Variants in LMAN1L observed in about 807,000 individuals in gnomAD.
LMAN1L encodes the protein lectin, mannose binding 1 like, also known as protein ERGIC-53-like.
LMAN1L carries 60 observed loss-of-function variants against 58.3 expected under a neutral mutation model. The ratio of observed to expected loss-of-function variants is 1.03; its 90% confidence interval spans 0.84 to 1.27. The LOEUF (loss-of-function observed/expected upper bound fraction) is 1.27. Ranked by LOEUF, LMAN1L falls within the 50% of genes most tolerant of loss-of-function variation. The pLI is 0.00. For missense variants in LMAN1L, 629 were observed against 674.0 expected (o/e 0.93, Z 0.74); for synonymous variants, 280 against 271.6 (o/e 1.03, Z -0.31).
At position 74,812,957 on chromosome 15, in the gene LMAN1L, T is replaced by C; in HGVS notation, c.103T>C (p.Tyr35His). 2.5e-6 allele frequency: 4 copies of C among 1,613,964 alleles called. No homozygotes were observed. Among genetic ancestry groups the C allele is most frequent in the Non-Finnish European group, 3.4e-6 (4 of 1,179,930 alleles). ...TGCPPLRRFE[Y>H]KLSFKGPRLA... ...GTGTCCTCCTCTACGCAGGTTTGAG[T>C]ACAAGCTCAGCTTCAAAGGCCCAAG... The change falls in exon 1 of 14, where the codon TAC (tyrosine) becomes CAC (histidine). Residue 35 changes from tyrosine to histidine, a missense_variant. Physicochemically the swap from Tyr to His is moderately conservative, Grantham distance 83. Transcript: ENST00000309664.
chr15:74,816,098 G>A, intron 1 of LMAN1L, 59 bp from the exon 2 acceptor site: 1 of 1,509,772 alleles, frequency 6.6e-7, no homozygotes, highest in East Asian at 2.5e-5. Context: ...CCAAGTGAGA[G>A]AGTGAAGGGG....
rs777386022 is a variant in LMAN1L at position 74,820,041 on chromosome 15, C to T, written c.719-3C>T. The T allele has an allele frequency of 5.0e-6, 8 of 1,613,834 alleles. No homozygotes were observed. The highest frequency in any genetic ancestry group is 5.9e-6 in the Non-Finnish European group (7 of 1,179,828). On this transcript the variant is annotated splice_polypyrimidine_tract_variant and splice_region_variant and intron_variant, in intron 6 of 13. Transcript: ENST00000309664. The stretch of plus-strand genomic sequence containing the variant: ...TACTTCTCCTTCATCTGTCCCCTTC[C>T]AGATGATCATGATGTCCTGTCCTTC...
At chr15:74,822,571 G>C (rs1033819154) in intron 10 of LMAN1L, 71 bp from the exon 11 acceptor site, 28 of 1,265,390 alleles carry the variant, frequency 2.2e-5, no homozygotes, top group Non-Finnish European at 3.2e-5. Flanking sequence ...CTGCAGTGCC[G>C]CTGGGAAGGT....
chr15:74,821,284 A>G (rs1407445530), intron 9 of LMAN1L, 58 bp downstream of exon 9: 1 of 1,525,832 alleles, frequency 6.6e-7, no homozygotes, highest in Non-Finnish European at 8.8e-7. Context: ...AGGAGCAAGC[A>G]CTGTAGTCAG....
chr15:74,820,198 C>G (rs1451237055), intron 7 of LMAN1L, 99 bp downstream of exon 7: 2 of 1,083,048 alleles, frequency 1.8e-6, no homozygotes, highest in Non-Finnish European at 2.9e-6. Context: ...CCCTTACCTC[C>G]ACCTGGCCTC....
chr15:74,820,085 G>A lies in LMAN1L; in HGVS notation c.760G>A (p.Glu254Lys), dbSNP rs762016766. ...VLSFLTFSLS[E>K]PSPEVPPQPF... is the part of the protein sequence containing the mutation. ...GTCCTTCCTGACCTTCAGCCTGAGTGAGCCCAGCCCAGAGGTGATGCCAGC... is the reference window on the plus strand; with the variant it reads ...GTCCTTCCTGACCTTCAGCCTGAGTAAGCCCAGCCCAGAGGTGATGCCAGC... The change falls in exon 7 of 14, where the codon GAG becomes AAG. Residue 254 changes from glutamate to lysine, a missense_variant. Glu to Lys is a moderately conservative substitution (Grantham distance 56). Around this residue, in one of 3 missense-constraint regions of LMAN1L, gnomAD observed 573 missense variants for 597.3 expected, o/e 0.96. Coordinates refer to ENST00000309664, the MANE Select transcript of LMAN1L (RefSeq NM_021819.3). 21 of 1,614,104 alleles carry A rather than the reference G, an allele frequency of 1.3e-5. No individual in the cohort carries two copies. The highest frequency in any genetic ancestry group is 1.8e-5 in the Non-Finnish European group (21 of 1,179,966).
chr15:74,823,888 C>A, intron 12 of LMAN1L: 1 of 603,042 alleles, frequency 1.7e-6, no homozygotes, highest in Non-Finnish European at 2.9e-6. Context: ...TCTGTCCTCT[C>A]TCCTCTCTGA....
intron 6 of LMAN1L, 56 bp from the exon 7 acceptor site, chr15:74,819,988 G>A: frequency 3.2e-5 from 49 of 1,528,528 alleles, no homozygotes; most frequent in Non-Finnish European, 4.3e-5. Flanking sequence ...TGAAGGCTGA[G>A]CGAGGGGGTT....
intron 12 of LMAN1L, 39 bp from the exon 13 acceptor site, chr15:74,824,312 T>C: frequency 6.3e-7 from 1 of 1,599,370 alleles, no homozygotes; most frequent in Non-Finnish European, 8.5e-7. Context: ...TCCTTCTGGG[T>C]AAGAAGCTAA....
In LMAN1L at chr15:74,820,671, C is replaced by T. The variant is rs372532945; in HGVS notation, c.811C>T (p.Arg271Cys). ...GCCCTTCCTGGAGATGCAGCAGCTCCGCCTGGCGAGGCAGCTGGAAGGGCT... is the reference window on the plus strand; with the variant it reads ...GCCCTTCCTGGAGATGCAGCAGCTCTGCCTGGCGAGGCAGCTGGAAGGGCT... The part of the protein sequence containing the change: ...PQPFLEMQQL[R>C]LARQLEGLWA... The change falls in exon 8 of 14, where the codon CGC becomes TGC. Residue 271 changes from arginine (R) to cysteine (C), a missense_variant. Coordinates refer to ENST00000309664, the MANE Select transcript of LMAN1L (RefSeq NM_021819.3). 24 of 1,613,920 alleles carry T rather than the reference C, an allele frequency of 1.5e-5. No individual in the cohort carries two copies. The highest frequency in any genetic ancestry group is 6.7e-5 in the African/African-American group (5 of 74,898).
rs975859433 is a variant in LMAN1L, at chr15:74,824,268, A to G, written c.1324-83A>G. ...CCCCAAGCCTGGGGAAAGGAAACGG[A>G]GCATGCACATGGCCTAGATTCCAGG... On this transcript the variant is annotated intron_variant, in intron 12 of 13. Transcript: ENST00000309664. The G allele has an allele frequency of 3.0e-6, 4 of 1,339,870 alleles. No homozygotes were observed. In the African/African-American group the frequency reaches 4.3e-5, roughly 15 times the overall value. 83.0% of individuals were successfully genotyped at this position (1,339,870 alleles called of 1,614,324 possible).
intron 4 of LMAN1L, among the ~76,000 whole-genome samples, chr15:74,817,152 C>T (rs1250664210): frequency 6.6e-6 from 1 of 152,202 alleles, no homozygotes; most frequent in Non-Finnish European, 1.5e-5. Context: ...ACTGCCTCCT[C>T]AGTAGCTGGG....
intron 5 of LMAN1L, 137 bp from the exon 6 acceptor site, chr15:74,819,013 CAT>C: frequency 9.0e-7 from 1 of 1,107,110 alleles, no homozygotes; most frequent in Non-Finnish European, 1.3e-6. Context: ...TAAGGGCTCA[CAT>C]GAGACCAGGA....
chr15:74,823,552 C>G lies in LMAN1L; in HGVS notation c.1200-7C>G. Reference sequence around the variant, plus strand: ...AGTCATCTTACTTGGTTACCACCCCCGGTTAGGGATGCAGCTGTCCGCATG... The same window carrying G: ...AGTCATCTTACTTGGTTACCACCCCGGGTTAGGGATGCAGCTGTCCGCATG... On this transcript the variant is annotated splice_polypyrimidine_tract_variant and splice_region_variant and intron_variant, in intron 11 of 13. Transcript: ENST00000309664. The G allele has an allele frequency of 6.2e-7, 1 of 1,613,510 alleles. No homozygotes were observed. The highest frequency in any genetic ancestry group is 1.7e-5 in the Admixed American group (1 of 59,984).
chr15:74,820,545 C>G, intron 7 of LMAN1L, 90 bp from the exon 8 acceptor site: 1 of 1,552,834 alleles, frequency 6.4e-7, no homozygotes, highest in Non-Finnish European at 8.9e-7. Flanking sequence ...GGGAGGAAGG[C>G]TGGGCTCGTG....
chr15:74,824,099 T>C (rs2063930066), intron 12 of LMAN1L: 1 of 553,154 alleles, frequency 1.8e-6, no homozygotes, highest in East Asian at 3.0e-5. Context: ...CTCTCTTCTC[T>C]TCTCTTGAAC....
chr15:74,823,262 G>A (rs2063925208), intron 11 of LMAN1L, among the ~76,000 whole-genome samples: 1 of 152,146 alleles, frequency 6.6e-6, no homozygotes, highest in Non-Finnish European at 1.5e-5. Context: ...GGGGTGGAGA[G>A]GCACCTAGAT....
chr15:74,824,619 A>G lies in LMAN1L; in HGVS notation c.1451+141A>G, dbSNP rs1330892938. On this transcript the variant is annotated intron_variant, in intron 13 of 13. Transcript: ENST00000309664. ...CAAATCACAAAGAGCACAGTGCGGGATAGGGCCCATTCTCTCACCAAGCAC... is the reference window on the plus strand; with the variant it reads ...CAAATCACAAAGAGCACAGTGCGGGGTAGGGCCCATTCTCTCACCAAGCAC... The G allele has an allele frequency of 9.3e-6, 9 of 969,656 alleles. No homozygotes were observed. In the South Asian group the frequency reaches 1.1e-4, roughly 12 times the overall value. 60.1% of individuals were successfully genotyped at this position (969,656 alleles called of 1,614,324 possible). A position where few individuals can be genotyped will look rare whatever the true frequency, so the allele number is the denominator to read the frequency against.
chr15:74,813,806 G>C (rs1224148837), intron 1 of LMAN1L, among the ~76,000 whole-genome samples: 3 of 152,170 alleles, frequency 2.0e-5, no homozygotes, highest in Non-Finnish European at 2.9e-5. Flanking sequence ...ACAGAAAGCA[G>C]ATCGGCTGTG....
Sources: gnomAD v4.1 joint callset for allele counts (sites outside exome capture counted in the v4.1 genomes callset) on GRCh38, gnomAD v4.1.1 for gene constraint, gnomAD v4.1.1 regional missense constraint, MANE v1.5 for transcripts, NCBI Gene and HGNC (gene_info 2026-07-23, HGNC 2026-07-21) for gene names.